WASL: variants seen among roughly 807,000 people sequenced by gnomAD.
The protein encoded by WASL is actin nucleation-promoting factor WASL.
WASL carries 20 observed loss-of-function variants against 55.5 expected under a neutral mutation model. That is an observed-to-expected ratio of 0.36 (90% CI 0.25 to 0.52). The LOEUF (loss-of-function observed/expected upper bound fraction) is 0.52, where lower values mean the gene tolerates loss of function less well. Among genes scored for constraint, WASL ranks in the 20% least tolerant of loss-of-function variants. The pLI is 0.92. For missense variants in WASL, 504 were observed against 622.5 expected, an observed-to-expected ratio of 0.81 and a Z score of 2.03; for synonymous variants, 249 against 217.6, an observed-to-expected ratio of 1.14 and a Z score of -1.27.
At chr7:123,746,620 G>A (rs1804434733) in intron 1 of WASL, among the ~76,000 whole-genome samples, 1 of 152,220 alleles carries the variant, frequency 6.6e-6, no homozygotes, top group Non-Finnish European at 1.5e-5. Context: ...AACTGAAAGT[G>A]TGGTTTTTAA....
intron 1 of WASL, among the ~76,000 whole-genome samples, chr7:123,730,339 AT>A (rs1367664122): frequency 4.6e-5 from 7 of 152,334 alleles, no homozygotes; most frequent in African/African-American, 1.4e-4. Context: ...AAATAGTTTG[AT>A]TAAAATAACA....
intron 1 of WASL, among the ~76,000 whole-genome samples, chr7:123,713,461 A>ATG (rs1265675029): frequency 6.6e-6 from 1 of 152,128 alleles, no homozygotes; most frequent in Non-Finnish European, 1.5e-5. Context: ...CCAAATATAT[A>ATG]TTTTCAATAA....
At chr7:123,717,941 T>G (rs1241587699) in intron 1 of WASL, among the ~76,000 whole-genome samples, 1 of 152,038 alleles carries the variant, frequency 6.6e-6, no homozygotes, top group South Asian at 2.1e-4. Context: ...CAGGCTGAAT[T>G]TGGTCCATGG....
intron 1 of WASL, among the ~76,000 whole-genome samples, chr7:123,744,501 G>A (rs1352643429): frequency 6.6e-6 from 1 of 152,026 alleles, no homozygotes; most frequent in Non-Finnish European, 1.5e-5. Flanking sequence ...AAATAAGCAA[G>A]TTAAAACAAG....
At chr7:123,712,523 T>C (rs146820725) in intron 1 of WASL, among the ~76,000 whole-genome samples, 1 of 152,100 alleles carries the variant, frequency 6.6e-6, no homozygotes, top group Admixed American at 6.6e-5. Flanking sequence ...TACATATATA[T>C]AGAGAAAAAA....
At chr7:123,700,519 C>T (rs1419948331) in intron 5 of WASL, among the ~76,000 whole-genome samples, 1 of 151,892 alleles carries the variant, frequency 6.6e-6, no homozygotes, top group African/African-American at 2.4e-5. Context: ...CGGCTCACTG[C>T]AACCTTCACC....
chr7:123,706,202 A>C (rs1349515507), intron 4 of WASL, 75 bp downstream of exon 4: 1 of 1,363,152 alleles, frequency 7.3e-7, no homozygotes, highest in African/African-American at 1.5e-5. Context: ...TATTTACAAA[A>C]AACAGGAAAT....
rs143442695 is a variant in WASL, at chr7:123,711,498, T to C, written c.118-2275A>G. On this transcript the variant is annotated intron_variant, in intron 1 of 10. Transcript: ENST00000223023. Reference sequence around the variant, plus strand: ...GCTACACTCTTATTATCAGTCTAAGTGTCTATTTCATTAATTCTTACCTTC... The same window carrying C: ...GCTACACTCTTATTATCAGTCTAAGCGTCTATTTCATTAATTCTTACCTTC... 2.1e-3 allele frequency among the ~76,000 whole-genome samples: 327 copies of C among 152,330 alleles called. 1 individual carries two copies. Among genetic ancestry groups the C allele is most frequent in the African/African-American group, 7.6e-3 (315 of 41,592 alleles).
intron 1 of WASL, among the ~76,000 whole-genome samples, chr7:123,720,980 A>C (rs185139517): frequency 2.6e-4 from 39 of 152,350 alleles, no homozygotes; most frequent in Admixed American, 2.3e-3. Flanking sequence ...AAGAATTTTG[A>C]GTAGCTCTTT....
intron 5 of WASL, 65 bp from the exon 6 acceptor site, chr7:123,696,812 T>C (rs1803500818): frequency 1.8e-6 from 2 of 1,117,828 alleles, no homozygotes; most frequent in East Asian, 6.2e-5. Flanking sequence ...CAATCATAAT[T>C]TACAATTTAA....
intron 1 of WASL, among the ~76,000 whole-genome samples, chr7:123,717,641 C>T (rs1034240635): frequency 3.3e-5 from 5 of 152,168 alleles, no homozygotes; most frequent in Non-Finnish European, 7.3e-5. Flanking sequence ...GTAAAGTTCT[C>T]CCCAGGCAAG....
chr7:123,726,841 G>A (rs1456820960), intron 1 of WASL, among the ~76,000 whole-genome samples: 2 of 151,900 alleles, frequency 1.3e-5, no homozygotes, highest in African/African-American at 4.8e-5. Flanking sequence ...ACTCCAGCCT[G>A]GGCGACAGAG....
Position 123,706,797 on chromosome 7 carries a change from T to C in WASL, c.282A>G (p.Leu94=), listed in dbSNP as rs1358013128. The C allele has an allele frequency of 5.7e-6, 9 of 1,573,766 alleles. No individual in the cohort carries two copies. Among genetic ancestry groups the C allele is most frequent in the African/African-American group, 5.5e-5 (4 of 72,438 alleles). The change falls in exon 3 of 11, where the codon CTA becomes CTG. Residue 94 remains leucine, a synonymous_variant. Transcript: ENST00000223023. ...KDGKLLWEQE[L]YNNFVYNSPR... ...GACTATTATATACAAAGTTATTGTA[T>C]AGCTCTTGTTCCCACAATAGTTTCC...
At chr7:123,724,124 G>C (rs1804001749) in intron 1 of WASL, among the ~76,000 whole-genome samples, 1 of 152,166 alleles carries the variant, frequency 6.6e-6, no homozygotes, top group African/African-American at 2.4e-5. Flanking sequence ...GTGCTTGCCA[G>C]TTATCTTTTA....
intron 1 of WASL, among the ~76,000 whole-genome samples, chr7:123,734,131 C>G (rs1377168700): frequency 2.6e-5 from 4 of 152,018 alleles, no homozygotes; most frequent in Non-Finnish European, 5.9e-5. Context: ...AGCTGATGAA[C>G]TGGATGGACT....
intron 1 of WASL, among the ~76,000 whole-genome samples, chr7:123,744,411 T>C (rs1368036098): frequency 6.6e-6 from 1 of 152,150 alleles, no homozygotes; most frequent in Non-Finnish European, 1.5e-5. Flanking sequence ...AGCCAGAAGT[T>C]ACAAAAATTA....
At position 123,709,056 on chromosome 7, in the gene WASL, C is replaced by A. The variant is rs765857829; in HGVS notation, c.252+33G>T. Reference sequence around the variant, plus strand: ...ATAATTGATATAGAAAACCTAATCACCTAGTTTAAAGTGAAAGCAAAACAA... The same window carrying A: ...ATAATTGATATAGAAAACCTAATCAACTAGTTTAAAGTGAAAGCAAAACAA... On this transcript the variant is annotated intron_variant, in intron 2 of 10. Transcript: ENST00000223023. The A allele has an allele frequency of 3.2e-6, 5 of 1,562,316 alleles. No individual in the cohort carries two copies. In the East Asian group the frequency reaches 9.1e-5, roughly 29 times the overall value.
At chr7:123,707,811 C>T (rs1007728391) in intron 2 of WASL, among the ~76,000 whole-genome samples, 4 of 152,180 alleles carry the variant, frequency 2.6e-5, no homozygotes, top group African/African-American at 9.7e-5. Flanking sequence ...TAGTTAGCCA[C>T]TGCTAGTGAT....
intron 1 of WASL, among the ~76,000 whole-genome samples, chr7:123,731,361 T>G (rs1804133740): frequency 6.6e-6 from 1 of 152,092 alleles, no homozygotes; most frequent in East Asian, 1.9e-4. Context: ...ATCCTCTATT[T>G]TACTTAGAGA....
Sources: gnomAD v4.1 joint callset for allele counts (sites outside exome capture counted in the v4.1 genomes callset) on GRCh38, gnomAD v4.1.1 for gene constraint, MANE v1.5 for transcripts, NCBI Gene and HGNC (gene_info 2026-07-23, HGNC 2026-07-21) for gene names.